CSMD3: variants seen among roughly 807,000 people sequenced by gnomAD.
CSMD3 encodes CUB and sushi domain-containing protein 3.
A neutral mutation model predicts 435.2 loss-of-function variants in CSMD3; 177 were observed. The ratio of observed to expected loss-of-function variants is 0.41; its 90% confidence interval spans 0.36 to 0.46. CSMD3 has a LOEUF of 0.46. CSMD3 is among the 20% of genes least tolerant of loss of function. The probability of loss-of-function intolerance (pLI) is 0.34; values close to 1 mark genes in which losing one functional copy is unlikely to be tolerated. For synonymous variants in CSMD3, 1,656 were observed against 1,520.5 expected, an observed-to-expected ratio of 1.09 and a Z score of -2.07; for missense variants, 4,265 against 4,504.6, an observed-to-expected ratio of 0.95 and a Z score of 1.52.
At chr8:112,810,952 T>C (rs1488568984) in intron 12 of CSMD3, among the ~76,000 whole-genome samples, 1 of 152,098 alleles carries the variant, frequency 6.6e-6, no homozygotes, top group African/African-American at 2.4e-5. Flanking sequence ...CAACAGTTTA[T>C]AAAATTAATG....
intron 32 of CSMD3, among the ~76,000 whole-genome samples, chr8:112,461,710 G>A (rs1389124886): frequency 6.6e-6 from 1 of 151,992 alleles, no homozygotes; most frequent in Non-Finnish European, 1.5e-5. Flanking sequence ...CGGATATTCC[G>A]ATGCATTAAA....
At chr8:113,200,361 T>C (rs2092704251) in intron 3 of CSMD3, among the ~76,000 whole-genome samples, 1 of 151,836 alleles carries the variant, frequency 6.6e-6, no homozygotes, top group Admixed American at 6.6e-5. Flanking sequence ...AATACCTATT[T>C]CCATTTTTGC....
Position 112,800,158 on chromosome 8 carries a change from T to C in CSMD3, c.1972+4A>G, listed in dbSNP as rs749905652. The C allele has an allele frequency of 2.9e-5, 45 of 1,572,904 alleles. No homozygotes were observed. The highest frequency in any genetic ancestry group is 3.9e-5 in the Non-Finnish European group (45 of 1,142,932). On this transcript the variant is annotated splice_donor_region_variant and intron_variant, in intron 13 of 70. Coordinates refer to ENST00000297405, the MANE Select transcript of CSMD3 (RefSeq NM_198123.2). Reference sequence around the variant, plus strand: ...ACATTTCCTATGTAGAAATTAATCATTACCTTTGTAGTTAACCTTGAAACC... The same window carrying C: ...ACATTTCCTATGTAGAAATTAATCACTACCTTTGTAGTTAACCTTGAAACC...
Position 112,988,547 on chromosome 8 carries a change from C to T in CSMD3, c.1031-12399G>A, listed in dbSNP as rs115651818. ...TCTGCTGCTCAATAGTTACAAGACT[C>T]ACATTATCATACTTGTGGCTTCTTA... On this transcript the variant is annotated intron_variant, in intron 6 of 70. Transcript: ENST00000297405. Among the ~76,000 whole-genome samples, 721 of 152,180 alleles carry T rather than the reference C, an allele frequency of 4.7e-3. 6 individuals carry two copies. Among genetic ancestry groups the T allele is most frequent in the African/African-American group, 0.016 (672 of 41,548 alleles).
At chr8:112,801,598 C>A (rs530038551) in intron 12 of CSMD3, among the ~76,000 whole-genome samples, 1 of 152,064 alleles carries the variant, frequency 6.6e-6, no homozygotes, top group Non-Finnish European at 1.5e-5. Context: ...CAAACTCACA[C>A]ATATATATTG....
chr8:112,331,101 C>T (rs956716850), intron 45 of CSMD3, among the ~76,000 whole-genome samples: 1 of 151,934 alleles, frequency 6.6e-6, no homozygotes, highest in African/African-American at 2.4e-5. Flanking sequence ...GCACAAGGCT[C>T]AGCATATTAA....
chr8:112,622,936 T>C lies in CSMD3; in HGVS notation c.3715+13881A>G, dbSNP rs185374886. 1.4e-4 allele frequency among the ~76,000 whole-genome samples: 21 copies of C among 152,252 alleles called. No homozygotes were observed. The East Asian group carries it at 3.7e-3, about 27-fold the overall frequency. On this transcript the variant is annotated intron_variant, in intron 22 of 70. Transcript: ENST00000297405. ...GAGTCAGAGGGGTTAACTATGTTTT[T>C]CAACTTGCCACAGTTTCTAAGTTAT... is the stretch of plus-strand genomic sequence containing the variant.
intron 9 of CSMD3, among the ~76,000 whole-genome samples, chr8:112,925,890 A>C (rs2082895824): frequency 6.6e-6 from 1 of 152,200 alleles, no homozygotes; most frequent in Non-Finnish European, 1.5e-5. Flanking sequence ...GATATTTTAA[A>C]ATGCAGATTT....
In CSMD3 at chr8:112,224,941, G is replaced by T; in HGVS notation, c.10965-11C>A. 6.2e-7 allele frequency: 1 copy of T among 1,613,308 alleles called. No individual in the cohort carries two copies. The highest frequency in any genetic ancestry group is 1.1e-5 in the South Asian group (1 of 91,052). On this transcript the variant is annotated splice_polypyrimidine_tract_variant and intron_variant, in intron 70 of 70. Transcript: ENST00000297405. Reference sequence around the variant, plus strand: ...GTTTTAGGTGCAGTCCTGTTGATGAGAACATTGATTAGCTATGTGTTAACT... The same window carrying T: ...GTTTTAGGTGCAGTCCTGTTGATGATAACATTGATTAGCTATGTGTTAACT...
At chr8:113,375,530 C>CAA (rs1206335863) in intron 1 of CSMD3, among the ~76,000 whole-genome samples, 1 of 116,970 alleles carries the variant, frequency 8.5e-6, no homozygotes, top group Non-Finnish European at 1.9e-5. Context: ...CACACACACA[C>CAA]ACACACACAC....
At chr8:112,572,276 T>A (rs1829593535) in intron 24 of CSMD3, among the ~76,000 whole-genome samples, 1 of 152,108 alleles carries the variant, frequency 6.6e-6, no homozygotes, top group Non-Finnish European at 1.5e-5. Flanking sequence ...TCTGAGAATT[T>A]AAAAATATGT....
intron 1 of CSMD3, among the ~76,000 whole-genome samples, chr8:113,325,680 C>A (rs960610944): frequency 3.3e-5 from 5 of 152,152 alleles, no homozygotes; most frequent in African/African-American, 1.2e-4. Flanking sequence ...GAAAAGAGTT[C>A]TATATGCAGT....
intron 11 of CSMD3, among the ~76,000 whole-genome samples, chr8:112,842,016 A>G (rs1159053848): frequency 6.6e-6 from 1 of 151,822 alleles, no homozygotes; most frequent in African/African-American, 2.4e-5. Context: ...TTCACATTGA[A>G]TAGAGATTCC....
intron 5 of CSMD3, among the ~76,000 whole-genome samples, chr8:113,084,204 A>G (rs527713951): frequency 6.6e-6 from 1 of 152,274 alleles, no homozygotes; most frequent in East Asian, 1.9e-4. Context: ...ATATCTAGAG[A>G]AATGTAGACT....
rs2092645611 is a variant in CSMD3, at chr8:113,195,791, T to TTATACA, written c.515-21876_515-21875insTGTATA. Among the ~76,000 whole-genome samples the TTATACA allele has an allele frequency of 2.4e-5, 3 of 126,022 alleles. No homozygotes were observed. The South Asian group carries it at 7.5e-4, about 32-fold the overall frequency. 82.7% of individuals were successfully genotyped at this position (126,022 alleles called of 152,430 possible). On this transcript the variant is annotated intron_variant, in intron 3 of 70. Transcript: ENST00000297405. ...ATATATAATATTCATATCCTATATTTTATATATATATATATATATATATAC... is the reference window on the plus strand; with the variant it reads ...ATATATAATATTCATATCCTATATTTTATACATATATATATATATATATATATATAC...
chr8:112,400,026 G>A (rs1329515154), intron 35 of CSMD3, among the ~76,000 whole-genome samples: 1 of 152,096 alleles, frequency 6.6e-6, no homozygotes, highest in Non-Finnish European at 1.5e-5. Context: ...CTGTTACCCA[G>A]TTCCAAAGCT....
intron 13 of CSMD3, among the ~76,000 whole-genome samples, chr8:112,734,451 T>A (rs1455205279): frequency 3.3e-5 from 5 of 151,974 alleles, no homozygotes; most frequent in Non-Finnish European, 7.4e-5. Context: ...AGAGCTGTCA[T>A]ATTTCCTAAA....
At chr8:112,634,954 G>C (rs936610224) in intron 22 of CSMD3, among the ~76,000 whole-genome samples, 5 of 151,844 alleles carry the variant, frequency 3.3e-5, no homozygotes, top group African/African-American at 1.2e-4. Flanking sequence ...AAGTTATTTA[G>C]CATCTCTAAG....
rs2130934206 is a variant in CSMD3 at position 112,976,031 on chromosome 8, G to T, written c.1148C>A (p.Thr383Lys). 2 of 1,614,026 alleles carry T rather than the reference G, an allele frequency of 1.2e-6. No individual in the cohort carries two copies. The highest frequency in any genetic ancestry group is 1.7e-6 in the Non-Finnish European group (2 of 1,179,950). ...TPADVTVSSV[T>K]AVTIHRLSEE... is the part of the protein sequence containing the mutation. ...GGAAAGTCTATGGATGGTGACAGCT[G>T]TAACACTGGATACAGTAACATCTGC... The change falls in exon 7 of 71, where the codon ACA becomes AAA. Residue 383 changes from threonine to lysine, a missense_variant. Coordinates refer to ENST00000297405, the MANE Select transcript of CSMD3 (RefSeq NM_198123.2).
Sources: allele counts gnomAD v4.1 joint callset (sites outside exome capture counted in the v4.1 genomes callset), GRCh38; gene constraint gnomAD v4.1.1; transcripts MANE v1.5; gene names NCBI Gene and HGNC (gene_info 2026-07-23, HGNC 2026-07-21).